PTPRM: variants seen among roughly 807,000 people sequenced by gnomAD.
The protein encoded by PTPRM is receptor-type tyrosine-protein phosphatase mu.
Under a neutral mutation model 186.7 loss-of-function variants are expected in PTPRM, and 47 were observed. The observed-to-expected ratio is 0.25, with a 90% CI of 0.20 to 0.32. PTPRM has a LOEUF of 0.32. Among genes scored for constraint, PTPRM ranks in the 10% least tolerant of loss-of-function variants. The probability of loss-of-function intolerance (pLI) is 1.00; values close to 1 mark genes in which losing one functional copy is unlikely to be tolerated. For missense variants in PTPRM, 1,494 were observed against 1,865.0 expected, an observed-to-expected ratio of 0.80 and a Z score of 3.66; for synonymous variants, 668 against 674.9, an observed-to-expected ratio of 0.99 and a Z score of 0.16.
At chr18:8,374,204 T>C (rs2095681496) in intron 24 of PTPRM, among the ~76,000 whole-genome samples, 1 of 152,156 alleles carries the variant, frequency 6.6e-6, no homozygotes, top group South Asian at 2.1e-4. Flanking sequence ...ATATTTACCT[T>C]GCTCAGAAAA....
intron 11 of PTPRM, among the ~76,000 whole-genome samples, chr18:8,100,938 T>G (rs1458466925): frequency 6.6e-6 from 1 of 152,246 alleles, no homozygotes; most frequent in Non-Finnish European, 1.5e-5. Context: ...ATATAGGAAC[T>G]ATGTTTTAAC....
chr18:8,250,957 A>C (rs536746162), intron 17 of PTPRM, among the ~76,000 whole-genome samples: 15 of 152,310 alleles, frequency 9.8e-5, no homozygotes, highest in Admixed American at 9.8e-4. Flanking sequence ...TAAGTGACCC[A>C]ATTTCATAGC....
chr18:7,812,676 A>C (rs1219724682), intron 2 of PTPRM, among the ~76,000 whole-genome samples: 1 of 152,022 alleles, frequency 6.6e-6, no homozygotes, highest in Non-Finnish European at 1.5e-5. Context: ...TAAAATATCT[A>C]CTTGCCAACT....
At chr18:8,226,270 T>A (rs1601336297) in intron 14 of PTPRM, among the ~76,000 whole-genome samples, 1 of 127,742 alleles carries the variant, frequency 7.8e-6, no homozygotes, top group East Asian at 2.4e-4. Context: ...GCCCCCAATA[T>A]CCCCCCCACA....
chr18:8,108,588 T>G (rs879938720), intron 11 of PTPRM, among the ~76,000 whole-genome samples: 3 of 152,184 alleles, frequency 2.0e-5, no homozygotes, highest in Non-Finnish European at 4.4e-5. Context: ...TTTTATCACA[T>G]TTGAACTTTC....
intron 7 of PTPRM, among the ~76,000 whole-genome samples, chr18:7,965,614 C>G (rs9966486): frequency 0.65 from 98,294 of 151,984 alleles, 32,066 homozygotes; most frequent in African/African-American, 0.72. Context: ...TCGCTGGCCT[C>G]AGAGCGGGCA....
At chr18:7,682,889 T>C (rs2039511450) in intron 1 of PTPRM, among the ~76,000 whole-genome samples, 1 of 152,178 alleles carries the variant, frequency 6.6e-6, no homozygotes, top group South Asian at 2.1e-4. Context: ...AAACCTACTC[T>C]GGATACTTTT....
chr18:7,948,464 A>G (rs1022990455), intron 5 of PTPRM, among the ~76,000 whole-genome samples: 10 of 152,180 alleles, frequency 6.6e-5, no homozygotes, highest in African/African-American at 2.4e-4. Flanking sequence ...GTGCATAACT[A>G]AAAGGGTTAC....
At chr18:7,577,909 T>C (rs1567963934) in intron 1 of PTPRM, among the ~76,000 whole-genome samples, 1 of 152,110 alleles carries the variant, frequency 6.6e-6, no homozygotes, top group Non-Finnish European at 1.5e-5. Flanking sequence ...AGACAGCTGG[T>C]TGAGAATGCT....
At position 7,864,661 on chromosome 18, in the gene PTPRM, G is replaced by T. The variant is rs187367644; in HGVS notation, c.197-23445G>T. On this transcript the variant is annotated intron_variant, in intron 2 of 32. Transcript: ENST00000580170. ...CTCCAGCTTTGTTCTTTTTGCTTAG[G>T]ATTGGCTTGGATATGCAGGCTCTTT... Among the ~76,000 whole-genome samples, 284 of 152,262 alleles carry T rather than the reference G, an allele frequency of 1.9e-3. 9 individuals are homozygous for T. Among genetic ancestry groups the T allele is most frequent in the Non-Finnish European group, 3.1e-4 (21 of 68,018 alleles).
chr18:7,862,645 A>G (rs2047452196), intron 2 of PTPRM, among the ~76,000 whole-genome samples: 1 of 152,200 alleles, frequency 6.6e-6, no homozygotes, highest in African/African-American at 2.4e-5. Context: ...TGGAAAACAA[A>G]CTTGATAACT....
chr18:8,346,794 C>T (rs969536024), intron 23 of PTPRM, among the ~76,000 whole-genome samples: 3 of 111,510 alleles, frequency 2.7e-5, no homozygotes, highest in African/African-American at 1.1e-4. Context: ...ACTATGAAAA[C>T]ATTAATGACT....
intron 19 of PTPRM, among the ~76,000 whole-genome samples, chr18:8,263,697 T>A (rs2094662617): frequency 6.7e-6 from 1 of 150,332 alleles, no homozygotes; most frequent in Non-Finnish European, 1.5e-5. Context: ...CGAAGAGGGG[T>A]AGAGGCAGCT....
intron 27 of PTPRM, 116 bp downstream of exon 27, chr18:8,378,530 G>T (rs1309493235): frequency 7.7e-7 from 1 of 1,295,116 alleles, no homozygotes; most frequent in East Asian, 2.4e-5. Context: ...CCATAGCACT[G>T]TTCGTATTCA....
chr18:8,239,617 A>C (rs919078325), intron 14 of PTPRM, among the ~76,000 whole-genome samples: 2 of 152,150 alleles, frequency 1.3e-5, no homozygotes, highest in African/African-American at 4.8e-5. Flanking sequence ...TCTGTTCATG[A>C]AGTTCAGCTC....
At chr18:7,815,136 T>C (rs774295616) in intron 2 of PTPRM, 1 of 152,278 alleles carries the variant, frequency 6.6e-6, no homozygotes, top group Non-Finnish European at 1.5e-5. Context: ...TCACCCAACA[T>C]GATTGCCTAG....
intron 17 of PTPRM, among the ~76,000 whole-genome samples, chr18:8,250,534 C>G (rs369533437): frequency 1.6e-4 from 25 of 152,166 alleles, no homozygotes; most frequent in East Asian, 1.2e-3. Context: ...AATCCCAGCA[C>G]TTTGGGAGGC....
At chr18:8,009,118 A>T (rs1345665082) in intron 7 of PTPRM, among the ~76,000 whole-genome samples, 1 of 152,160 alleles carries the variant, frequency 6.6e-6, no homozygotes, top group Non-Finnish European at 1.5e-5. Context: ...GAGAGCAAGG[A>T]CATTTCAAAC....
chr18:8,152,745 G>A (rs1461497239), intron 14 of PTPRM, among the ~76,000 whole-genome samples: 2 of 103,994 alleles, frequency 1.9e-5, no homozygotes, highest in Admixed American at 1.5e-4. Flanking sequence ...TTGAGATAGG[G>A]TCTCGTTCTG....
Sources: allele counts gnomAD v4.1 joint callset (sites outside exome capture counted in the v4.1 genomes callset), GRCh38; gene constraint gnomAD v4.1.1; transcripts MANE v1.5; gene names NCBI Gene and HGNC (gene_info 2026-07-23, HGNC 2026-07-21).